The following TGOLN2 variants were observed in gnomAD, a reference collection of about 807,000 sequenced individuals.
The protein encoded by TGOLN2 is trans-golgi network protein 2.
TGOLN2 carries 19 observed loss-of-function variants against 31.3 expected under a neutral mutation model. The observed-to-expected ratio is 0.61, with a 90% CI of 0.42 to 0.89. The LOEUF (loss-of-function observed/expected upper bound fraction) is 0.89. Ranked by LOEUF, TGOLN2 falls within the 40% of genes least tolerant of loss-of-function variation. The probability of loss-of-function intolerance (pLI) is 0.00; values close to 1 mark genes in which losing one functional copy is unlikely to be tolerated. For missense variants in TGOLN2, 540 were observed against 559.2 expected (o/e 0.97, Z 0.35); for synonymous variants, 222 against 226.7 (o/e 0.98, Z 0.19).
chr2:85,324,061 C>T (rs6547612), intron 3 of TGOLN2, among the ~76,000 whole-genome samples: 92,457 of 151,988 alleles, frequency 0.61, 28,762 homozygotes, highest in East Asian at 0.88. Flanking sequence ...CCAGGGAGCA[C>T]AGTCTAGCAC....
Position 85,320,020 on chromosome 2 carries a change from G to C in TGOLN2, c.*2716C>G, listed in dbSNP as rs966265953. On this transcript the variant is annotated 3_prime_UTR_variant, in exon 4 of 4. Transcript: ENST00000377386. The stretch of plus-strand genomic sequence containing the variant: ...ATGAGGAAACAAACTGGGCCCTGAC[G>C]AAACAGGCGGATTGGGGAAGGAGAA... The C allele has an allele frequency of 6.6e-6, 1 of 152,314 alleles. No homozygotes were observed. Among genetic ancestry groups the C allele is most frequent in the Non-Finnish European group, 1.5e-5 (1 of 68,112 alleles). The allele number at this position is 152,314 out of a possible 1,614,324, so 9.4% of individuals were successfully genotyped here.
Position 85,327,628 on chromosome 2 carries a change from G to A in TGOLN2, c.104C>T (p.Pro35Leu), listed in dbSNP as rs1447005698. The stretch of plus-strand genomic sequence containing the variant: ...GTGGGTGGAGACGTTTCCTGCAGAA[G>A]GCCGTACTCCAGCTTCTTCTTGCTT... ...SVKQEEAGVR[P>L]SAGNVSTHPS... is the part of the protein sequence containing the mutation. Residue 35 changes from proline to leucine, a missense_variant, in exon 2 of 4, where the codon CCT becomes CTT. By Grantham distance (98) the Pro-to-Leu change is moderately conservative. Coordinates refer to ENST00000377386, the MANE Select transcript of TGOLN2 (RefSeq NM_006464.4). 1 of 1,614,034 alleles carries A rather than the reference G, an allele frequency of 6.2e-7. No individual in the cohort carries two copies.
At chr2:85,324,584 T>C in intron 3 of TGOLN2, 4 of 418,996 alleles carry the variant, frequency 9.5e-6, no homozygotes, top group Non-Finnish European at 1.7e-5. Context: ...AGGGAGTTGC[T>C]ATCAGGTCCT....
In TGOLN2 at chr2:85,326,730, C is replaced by G. The variant is rs1682745555; in HGVS notation, c.1002G>C (p.Glu334Asp). The change falls in exon 2 of 4, where the codon GAG (glutamate) becomes GAC (aspartate). Residue 334 changes from glutamate to aspartate, a missense_variant. Physicochemically the swap from Glu to Asp is conservative, Grantham distance 45 (BLOSUM62 2). Coordinates refer to ENST00000377386, the MANE Select transcript of TGOLN2 (RefSeq NM_006464.4). ...KEAEDDDTGPEEGSPPKEEKE... is the reference protein window; with the variant it reads ...KEAEDDDTGPDEGSPPKEEKE... The stretch of plus-strand genomic sequence containing the variant: ...TCTCTTCTTTGGGCGGTGAGCCCTC[C>G]TCGGGTCCTGTATCATCATCTTCAG... The G allele has an allele frequency of 6.2e-7, 1 of 1,614,036 alleles. No homozygotes were observed. Among genetic ancestry groups the G allele is most frequent in the South Asian group, 1.1e-5 (1 of 91,084 alleles).
Position 85,318,715 on chromosome 2 carries a change from CAT to C in TGOLN2, c.*4019_*4020del, listed in dbSNP as rs1355397881. ...CCAGAGGTTTAGAATTCTATCAGCA[CAT>C]GTGTCACTGGAAGCCATCATGGGAG... On this transcript the variant is annotated 3_prime_UTR_variant, in exon 4 of 4. Transcript: ENST00000377386. The C allele has an allele frequency of 2.0e-5, 3 of 152,284 alleles. No individual in the cohort carries two copies. Among genetic ancestry groups the C allele is most frequent in the African/African-American group, 7.2e-5 (3 of 41,452 alleles). The allele number at this position is 152,284 out of a possible 1,614,324, so 9.4% of individuals were successfully genotyped here.
chr2:85,324,832 G>A, intron 3 of TGOLN2, 83 bp downstream of exon 3: 1 of 1,276,960 alleles, frequency 7.8e-7, no homozygotes, highest in East Asian at 2.5e-5. Context: ...CTGCTTCATG[G>A]CAAATGCAAG....
rs1682582051 is a variant in TGOLN2 at position 85,322,513 on chromosome 2, CA to C, written c.*222del. The C allele has an allele frequency of 1.2e-6, 1 of 811,202 alleles. No individual in the cohort carries two copies. Among genetic ancestry groups the C allele is most frequent in the Non-Finnish European group, 1.9e-6 (1 of 529,292 alleles). 50.3% of individuals were successfully genotyped at this position (811,202 alleles called of 1,614,324 possible). On this transcript the variant is annotated 3_prime_UTR_variant, in exon 4 of 4. Coordinates refer to ENST00000377386, the MANE Select transcript of TGOLN2 (RefSeq NM_006464.4). ...GAACAATGTCACCAAAGTGCAGGTG[CA>C]AAGCCCAAAGCAGCCCCCTACCTCT...
chr2:85,320,619 C>G lies in TGOLN2; in HGVS notation c.*2117G>C, dbSNP rs889370221. ...ACCAAGCTGAACTATTCGATACCAG[C>G]AGAACTGGGTTCTTTAGGGATTAAG... On this transcript the variant is annotated 3_prime_UTR_variant, in exon 4 of 4. Transcript: ENST00000377386. The G allele has an allele frequency of 6.6e-6, 1 of 152,174 alleles. No homozygotes were observed. The allele number at this position is 152,174 out of a possible 1,614,324, so 9.4% of individuals were successfully genotyped here. A position where few individuals can be genotyped will look rare whatever the true frequency, so the allele number is the denominator to read the frequency against.
intron 3 of TGOLN2, among the ~76,000 whole-genome samples, chr2:85,323,304 G>C (rs1211842208): frequency 6.6e-6 from 1 of 152,146 alleles, no homozygotes; most frequent in African/African-American, 2.4e-5. Context: ...GGTGGCTCAC[G>C]CCTGTAATCC....
At chr2:85,322,850 A>G in intron 3 of TGOLN2, 109 bp from the exon 4 acceptor site, 2 of 1,534,406 alleles carry the variant, frequency 1.3e-6, no homozygotes, top group Admixed American at 5.1e-5. Context: ...ACACAAAATG[A>G]TTTTTAAAGT....
Position 85,327,427 on chromosome 2 carries a change from G to GC in TGOLN2, c.304dup (p.Ala102GlyfsTer9), listed in dbSNP as rs1682787838. On this transcript the variant is annotated frameshift_variant, in exon 2 of 4. Coordinates refer to ENST00000377386, the MANE Select transcript of TGOLN2 (RefSeq NM_006464.4). LOFTEE classifies it high-confidence loss of function. ...GCTAGTGCTGCCTTTTTGGGTCTTT[G>GC]CCTCCGCACCCGACTTGTTGGAGCT... 9 of 1,599,338 alleles carry GC rather than the reference G, an allele frequency of 5.6e-6. No homozygotes were observed. The highest frequency in any genetic ancestry group is 6.0e-6 in the Non-Finnish European group (7 of 1,174,104).
rs1461840327 is a variant in TGOLN2, at chr2:85,320,211, C to CA, written c.*2524dup. The CA allele has an allele frequency of 3.9e-5, 6 of 152,216 alleles. No homozygotes were observed. The highest frequency in any genetic ancestry group is 3.3e-4 in the Admixed American group (5 of 15,276). The allele number at this position is 152,216 out of a possible 1,614,324, so 9.4% of individuals were successfully genotyped here. A position where few individuals can be genotyped will look rare whatever the true frequency, so the allele number is the denominator to read the frequency against. ...TGTCAATCTATAGCATCCTGAACCC[C>CA]AAAAGGTCTGTAACTGGATTCTCTA... On this transcript the variant is annotated 3_prime_UTR_variant, in exon 4 of 4. Transcript: ENST00000377386.
At chr2:85,325,667 G>A (rs1257382730) in intron 2 of TGOLN2, among the ~76,000 whole-genome samples, 4 of 152,086 alleles carry the variant, frequency 2.6e-5, no homozygotes, top group Non-Finnish European at 5.9e-5. Flanking sequence ...ATGTAGAGAC[G>A]AGGTCTTGCT....
At position 85,327,282 on chromosome 2, in the gene TGOLN2, G is replaced by C. The variant is rs1478140258; in HGVS notation, c.450C>G (p.Ser150Arg). Residue 150 changes from serine to arginine, a missense_variant, in exon 2 of 4, where the codon AGC (serine) becomes AGG (arginine). Ser to Arg is a moderately radical substitution (Grantham distance 110). Coordinates refer to ENST00000377386, the MANE Select transcript of TGOLN2 (RefSeq NM_006464.4). Reference sequence around the variant, plus strand: ...TTGCCTCCGCACCCGACCTGTTGGGGCTGTCTTCTGGGGTCTGCGCCTCCG... The same window carrying C: ...TTGCCTCCGCACCCGACCTGTTGGGCCTGTCTTCTGGGGTCTGCGCCTCCG... ...SGAEAQTPED[S>R]PNRSGAEAKT... is the part of the protein sequence containing the mutation. The C allele has an allele frequency of 4.3e-6, 7 of 1,611,214 alleles. No homozygotes were observed. The African/African-American group carries it at 5.3e-5, about 12-fold the overall frequency.
chr2:85,324,775 G>T, intron 3 of TGOLN2, 140 bp downstream of exon 3: 1 of 742,220 alleles, frequency 1.3e-6, no homozygotes, highest in South Asian at 1.5e-5. Flanking sequence ...GTCTAAAAAG[G>T]GCGAATGCAA....
rs192275033 is a variant in TGOLN2 at position 85,319,632 on chromosome 2, C to T, written c.*3104G>A. On this transcript the variant is annotated 3_prime_UTR_variant, in exon 4 of 4. Transcript: ENST00000377386. The stretch of plus-strand genomic sequence containing the variant: ...CGACCCTCTTGGTTTCTGAAACCAA[C>T]CTTTCTTCCTGCTCTCCTCTTTAAG... The T allele has an allele frequency of 6.6e-6, 1 of 152,162 alleles. No homozygotes were observed. The highest frequency in any genetic ancestry group is 1.5e-5 in the Non-Finnish European group (1 of 68,034). 9.4% of individuals were successfully genotyped at this position (152,162 alleles called of 1,614,324 possible). A position where few individuals can be genotyped will look rare whatever the true frequency, so the allele number is the denominator to read the frequency against.
At chr2:85,327,803 G>C in intron 1 of TGOLN2, 114 bp downstream of exon 1, 2 of 1,514,142 alleles carry the variant, frequency 1.3e-6, no homozygotes, top group South Asian at 2.4e-5. Context: ...GGCGGGAGAC[G>C]ATGGCGAGCG....
intron 2 of TGOLN2, among the ~76,000 whole-genome samples, chr2:85,326,268 A>C (rs1682724075): frequency 1.3e-5 from 2 of 152,254 alleles, no homozygotes; most frequent in Non-Finnish European, 2.9e-5. Context: ...AGATCCTAAT[A>C]ATGTCCTAAC....
chr2:85,327,059 C>T lies in TGOLN2; in HGVS notation c.673G>A (p.Gly225Ser), dbSNP rs1682759854. The T allele has an allele frequency of 1.2e-6, 2 of 1,612,946 alleles. No homozygotes were observed. Among genetic ancestry groups the T allele is most frequent in the African/African-American group, 1.3e-5 (1 of 74,674 alleles). The change falls in exon 2 of 4, where the codon GGT becomes AGT. Residue 225 changes from glycine to serine, a missense_variant. Gly to Ser is a moderately conservative substitution (Grantham distance 56, BLOSUM62 0). Coordinates refer to ENST00000377386, the MANE Select transcript of TGOLN2 (RefSeq NM_006464.4). Reference sequence around the variant, plus strand: ...TCTATTGGGCCCTGCTCCTCTGCACCGGACTTGTTAGAGCCGTCTTTTGGA... The same window carrying T: ...TCTATTGGGCCCTGCTCCTCTGCACTGGACTTGTTAGAGCCGTCTTTTGGA... ...QTPKDGSNKS[G>S]AEEQGPIDGP...
Sources: allele counts gnomAD v4.1 joint callset (sites outside exome capture counted in the v4.1 genomes callset), GRCh38; gene constraint gnomAD v4.1.1; transcripts MANE v1.5; gene names NCBI Gene and HGNC (gene_info 2026-07-23, HGNC 2026-07-21).